Variants in YES1 observed in about 807,000 individuals in gnomAD.
YES1 encodes the protein YES proto-oncogene 1, Src family tyrosine kinase.
Under a neutral mutation model 70.4 loss-of-function variants are expected in YES1, and 39 were observed. The ratio of observed to expected loss-of-function variants is 0.55; its 90% CI spans 0.43 to 0.72. The LOEUF (loss-of-function observed/expected upper bound fraction) is 0.72. Ranked by LOEUF, YES1 falls within the 30% of genes least tolerant of loss-of-function variation. YES1 has a pLI of 0.00. For synonymous variants in YES1, 198 were observed against 218.6 expected, an observed-to-expected ratio of 0.91 and a Z score of 0.83; for missense variants, 495 against 644.8, an observed-to-expected ratio of 0.77 and a Z score of 2.52.
chr18:738,138 T>C (rs1424339384), intron 9 of YES1: 1 of 152,074 alleles, frequency 6.6e-6, no homozygotes, highest in East Asian at 1.9e-4. Flanking sequence ...CATATGCCTG[T>C]TGCCTATGTA....
At chr18:812,429 C>T (rs1164228184), upstream of YES1, 1 of 152,084 alleles carries the variant, frequency 6.6e-6, no homozygotes, top group Non-Finnish European at 1.5e-5. Flanking sequence ...CCACGCCGGC[C>T]CGGCTCCGGG....
At chr18:773,342 A>G (rs1905236823) in intron 1 of YES1, among the ~76,000 whole-genome samples, 1 of 152,208 alleles carries the variant, frequency 6.6e-6, no homozygotes. Flanking sequence ...ATCTTCCTGG[A>G]TAACGGGCAA....
chr18:749,721 G>A (rs62088296), intron 3 of YES1, among the ~76,000 whole-genome samples: 13,438 of 151,758 alleles, frequency 0.089, 750 homozygotes, highest in East Asian at 0.27. Context: ...TTAGCCAGAC[G>A]TGGTGGCGGG....
In YES1 at chr18:763,742, G is replaced by C. The variant is rs190095670; in HGVS notation, c.-8-6907C>G. Reference sequence around the variant, plus strand: ...AAAAAAAAAGACGAGCTGGAACAGTGTGGGGCCAGTGATAATGGGGGAAAT... The same window carrying C: ...AAAAAAAAAGACGAGCTGGAACAGTCTGGGGCCAGTGATAATGGGGGAAAT... On this transcript the variant is annotated intron_variant, in intron 1 of 11. Coordinates refer to ENST00000314574, the MANE Select transcript of YES1 (RefSeq NM_005433.4). 5.9e-3 allele frequency among the ~76,000 whole-genome samples: 889 copies of C among 150,592 alleles called. 8 individuals carry two copies. The highest frequency in any genetic ancestry group is 8.6e-3 in the Non-Finnish European group (581 of 67,744).
chr18:749,216 G>A (rs1452568562), intron 3 of YES1, among the ~76,000 whole-genome samples: 2 of 151,884 alleles, frequency 1.3e-5, no homozygotes, highest in South Asian at 2.1e-4. Flanking sequence ...ATTTCTGGCC[G>A]GGCGCGGTGG....
intron 1 of YES1, among the ~76,000 whole-genome samples, chr18:760,109 CT>C (rs2145750319): frequency 6.6e-6 from 1 of 152,148 alleles, no homozygotes; most frequent in East Asian, 1.9e-4. Flanking sequence ...CAGTCTATCA[CT>C]GAGGGACATC....
intron 1 of YES1, among the ~76,000 whole-genome samples, chr18:803,650 G>A (rs962420328): frequency 1.3e-5 from 2 of 152,170 alleles, no homozygotes; most frequent in Admixed American, 6.5e-5. Flanking sequence ...GCCTTATTGG[G>A]AGAATCTGAG....
In YES1 at chr18:746,051, T is replaced by C. The variant is rs1450230099; in HGVS notation, c.471A>G (p.Glu157=). 1.2e-6 allele frequency: 2 copies of C among 1,608,108 alleles called. No homozygotes were observed. The highest frequency in any genetic ancestry group is 3.4e-5 in the Admixed American group (2 of 59,392). The part of the protein sequence containing the change: ...VAPADSIQAE[E]WYFGKMGRKD... Reference sequence around the variant, plus strand: ...TTCTCCCCATTTTGCCAAAATACCATCTGGAAAAAAATTAAGTGTTTTGAA... The same window carrying C: ...TTCTCCCCATTTTGCCAAAATACCACCTGGAAAAAAATTAAGTGTTTTGAA... Residue 157 remains glutamate (E), a splice_region_variant and synonymous_variant, in exon 5 of 12, where the codon GAA becomes GAG. Transcript: ENST00000314574.
In YES1 at chr18:746,167, A is replaced by T. The variant is rs147269981; in HGVS notation, c.471-116T>A. ...GGACGACAAAGAATAGCTAGAGAAC[A>T]TGGCTCAAAATACAGGAAAATGTAA... On this transcript the variant is annotated intron_variant, in intron 4 of 11. Coordinates refer to ENST00000314574, the MANE Select transcript of YES1 (RefSeq NM_005433.4). The T allele has an allele frequency of 1.1e-3, 758 of 678,628 alleles. 4 individuals are homozygous for T. The African/African-American group carries it at 0.012, about 11-fold the overall frequency. 42.0% of individuals were successfully genotyped at this position (678,628 alleles called of 1,614,324 possible).
chr18:755,723 C>T (rs2080398188), intron 2 of YES1, among the ~76,000 whole-genome samples: 1 of 152,062 alleles, frequency 6.6e-6, no homozygotes, highest in Non-Finnish European at 1.5e-5. Context: ...GCAGACACTC[C>T]CAAGGGCTGC....
intron 1 of YES1, among the ~76,000 whole-genome samples, chr18:771,907 G>A (rs1905175194): frequency 6.6e-6 from 1 of 152,000 alleles, no homozygotes; most frequent in African/African-American, 2.4e-5. Context: ...CTTAACGTTG[G>A]GCTCTTTTGG....
chr18:753,423 T>C (rs187530267), intron 2 of YES1, among the ~76,000 whole-genome samples: 2 of 152,228 alleles, frequency 1.3e-5, no homozygotes, highest in Non-Finnish European at 2.9e-5. Context: ...TTAGCCAACA[T>C]ATTTTTAATT....
rs1168813273 is a variant in YES1 at position 757,055 on chromosome 18, A to G, written c.-8-220T>C. Among the ~76,000 whole-genome samples, 5 of 152,182 alleles carry G rather than the reference A, an allele frequency of 3.3e-5. 1 individual carries two copies. The highest frequency in any genetic ancestry group is 5.9e-5 in the Non-Finnish European group (4 of 68,038). Reference sequence around the variant, plus strand: ...TCCAATCGCTTCATTCTCCAACTCAATCACCTTTAATAGTCCAATGACAAC... The same window carrying G: ...TCCAATCGCTTCATTCTCCAACTCAGTCACCTTTAATAGTCCAATGACAAC... On this transcript the variant is annotated intron_variant, in intron 1 of 11. Coordinates refer to ENST00000314574, the MANE Select transcript of YES1 (RefSeq NM_005433.4).
chr18:800,231 T>C (rs1333128747), intron 1 of YES1, among the ~76,000 whole-genome samples: 1 of 152,244 alleles, frequency 6.6e-6, no homozygotes, highest in Non-Finnish European at 1.5e-5. Flanking sequence ...ATGCCCATGA[T>C]AGGCAGAACA....
At chr18:761,590 C>T (rs1023933124) in intron 1 of YES1, among the ~76,000 whole-genome samples, 9 of 152,308 alleles carry the variant, frequency 5.9e-5, no homozygotes, top group Non-Finnish European at 1.2e-4. Flanking sequence ...AAAAGTCACA[C>T]CTTTTCTCCT....
chr18:761,029 T>C (rs894541062), intron 1 of YES1, among the ~76,000 whole-genome samples: 2 of 152,116 alleles, frequency 1.3e-5, no homozygotes, highest in Admixed American at 6.6e-5. Context: ...TGAAAATGCA[T>C]CCAACCTTCC....
At chr18:778,651 T>C (rs752868837) in intron 1 of YES1, among the ~76,000 whole-genome samples, 7 of 152,234 alleles carry the variant, frequency 4.6e-5, no homozygotes, top group Admixed American at 1.3e-4. Context: ...TAGGAAATCC[T>C]AGAAAAATAA....
rs373561285 is a variant in YES1 at position 751,804 on chromosome 18, C to T, written c.272G>A (p.Gly91Asp). The T allele has an allele frequency of 2.2e-5, 35 of 1,559,504 alleles. No homozygotes were observed. Among genetic ancestry groups the T allele is most frequent in the Non-Finnish European group, 3.0e-5 (34 of 1,134,414 alleles). Residue 91 changes from glycine to aspartate, a missense_variant and splice_region_variant, in exon 3 of 12, where the codon GGT (glycine) becomes GAT (aspartate). Physicochemically the swap from Gly to Asp is moderately conservative, Grantham distance 94. Around this residue, in one of 2 missense-constraint regions of YES1, gnomAD observed 385 missense variants for 540.9 expected, o/e 0.71. Transcript: ENST00000314574. ...VPSSYPAGLT[G>D]GVTIFVALYD... The stretch of plus-strand genomic sequence containing the variant: ...TAAGGCCACAAATATAGTAACACCA[C>T]CTATCAGAGGGAAAAAAGACCAAGG...
At chr18:766,958 C>T (rs866688159) in intron 1 of YES1, among the ~76,000 whole-genome samples, 1 of 152,022 alleles carries the variant, frequency 6.6e-6, no homozygotes. Context: ...CTTGAACATG[C>T]TTTTAAATTT....
Sources: gnomAD v4.1 joint callset for allele counts (sites outside exome capture counted in the v4.1 genomes callset) on GRCh38, gnomAD v4.1.1 for gene constraint, gnomAD v4.1.1 regional missense constraint, MANE v1.5 for transcripts, NCBI Gene and HGNC (gene_info 2026-07-23, HGNC 2026-07-21) for gene names.